Variants in ALDH16A1 observed in about 807,000 individuals in gnomAD.
The protein encoded by ALDH16A1 is aldehyde dehydrogenase 16 family member A1.
ALDH16A1 carries 88 observed loss-of-function variants against 96.1 expected under a neutral mutation model. The ratio of observed to expected loss-of-function variants is 0.92; its 90% confidence interval spans 0.77 to 1.09. ALDH16A1 has a LOEUF of 1.09. ALDH16A1 is among the 50% of genes least tolerant of loss of function. ALDH16A1 has a pLI of 0.00. For synonymous variants in ALDH16A1, 522 were observed against 496.4 expected (o/e 1.05, Z -0.69); for missense variants, 1,250 against 1,112.6 (o/e 1.12, Z -1.76).
chr19:49,466,108 G>C lies in ALDH16A1; in HGVS notation c.1763G>C (p.Arg588Pro). Residue 588 changes from arginine (R) to proline (P), a missense_variant, in exon 14 of 17, where the codon CGG (arginine) becomes CCG (proline). Physicochemically the swap from Arg to Pro is moderately radical, Grantham distance 103. Coordinates refer to ENST00000293350, the MANE Select transcript of ALDH16A1 (RefSeq NM_153329.4). ...TGGGCGGGCCAGTCCCCAGGAGCCC[G>C]GGCAGCCCTGCTGTGGGCCCTGGCG... ...PGWAGQSPGARAALLWALAAA... is the reference protein window; with the variant it reads ...PGWAGQSPGAPAALLWALAAA... The C allele has an allele frequency of 1.9e-6, 3 of 1,548,644 alleles. No individual in the cohort carries two copies. The highest frequency in any genetic ancestry group is 2.6e-6 in the Non-Finnish European group (3 of 1,150,258).
chr19:49,464,343 C>T lies in ALDH16A1; in HGVS notation c.1332-74C>T, dbSNP rs1041815131. On this transcript the variant is annotated intron_variant, in intron 10 of 16. Transcript: ENST00000293350. ...TCCCTTCTCCCTGGGTCGCTCCCCG[C>T]GCCTTTAACTCACCCCTCTCCCGGC... is the stretch of plus-strand genomic sequence containing the variant. 54 of 1,569,552 alleles carry T rather than the reference C, an allele frequency of 3.4e-5. No individual in the cohort carries two copies. In the East Asian group the frequency reaches 4.9e-4, roughly 14 times the overall value.
chr19:49,464,154 C>T lies in ALDH16A1; in HGVS notation c.1222C>T (p.Pro408Ser), dbSNP rs201033569. The change falls in exon 10 of 17, where the codon CCC becomes TCC. Residue 408 changes from proline (P) to serine (S), a missense_variant. By Grantham distance (74) the Pro-to-Ser change is moderately conservative. Coordinates refer to ENST00000293350, the MANE Select transcript of ALDH16A1 (RefSeq NM_153329.4). ...EVPWPVVVAS[P>S]FRTAKEALLV... ...GCCGTGGCCTGTGGTCGTGGCCTCC[C>T]CCTTCCGCACAGCCAAGGAGGCACT... 10 of 1,608,874 alleles carry T rather than the reference C, an allele frequency of 6.2e-6. No individual in the cohort carries two copies. Among genetic ancestry groups the T allele is most frequent in the East Asian group, 2.2e-5 (1 of 44,836 alleles).
chr19:49,458,438 C>G, intron 1 of ALDH16A1, 48 bp from the exon 2 acceptor site: 2 of 1,474,708 alleles, frequency 1.4e-6, no homozygotes, highest in Non-Finnish European at 1.9e-6. Context: ...GGTTGAACTG[C>G]CCCAGCTCCT....
rs559860262 is a variant in ALDH16A1 at position 49,465,793 on chromosome 19, C to T, written c.1624C>T (p.Arg542Ter). The T allele has an allele frequency of 3.5e-5, 56 of 1,614,118 alleles. No homozygotes were observed. The highest frequency in any genetic ancestry group is 4.4e-5 in the South Asian group (4 of 91,086). Residue 542 changes from arginine to a stop codon, truncating the protein, a stop_gained, in exon 13 of 17, where the codon CGA becomes TGA. Transcript: ENST00000293350. LOFTEE classifies it high-confidence loss of function. ...VGGRFQAPGA[R>*]SSRPIRDSSG... ...GGGCCGTTTCCAGGCTCCTGGGGCC[C>T]GAAGCTCCAGGCCCATCCGGGATTC...
chr19:49,470,199 G>A (rs768610749), intron 16 of ALDH16A1, 107 bp from the exon 17 acceptor site: 1 of 1,370,568 alleles, frequency 7.3e-7, no homozygotes, highest in Non-Finnish European at 1.0e-6. Flanking sequence ...TGCAGAGCCT[G>A]GGTCCAGCCT....
Position 49,462,953 on chromosome 19 carries a change from T to C in ALDH16A1, c.1098+198T>C, listed in dbSNP as rs28667916. On this transcript the variant is annotated intron_variant, in intron 8 of 16. Transcript: ENST00000293350. ...GTCTGAGGGAGGAGGTGCTGGGGCC[T>C]GGATTCCTGGGTCTGAGGGAGGAGG... is the stretch of plus-strand genomic sequence containing the variant. Among the ~76,000 whole-genome samples the C allele has an allele frequency of 1.2e-3, 83 of 71,244 alleles. 4 individuals carry two copies. Among genetic ancestry groups the C allele is most frequent in the African/African-American group, 5.3e-3 (69 of 13,070 alleles). 46.7% of individuals were successfully genotyped at this position (71,244 alleles called of 152,430 possible).
intron 7 of ALDH16A1, 29 bp downstream of exon 7, chr19:49,462,065 T>TA (rs1204517068): frequency 6.6e-7 from 1 of 1,519,168 alleles, no homozygotes; most frequent in East Asian, 2.5e-5. Flanking sequence ...CGTCTCCTCA[T>TA]ACCCTGGAGG....
At chr19:49,461,857 T>G (rs2079151044) in intron 6 of ALDH16A1, 27 bp from the exon 7 acceptor site, 2 of 1,596,006 alleles carry the variant, frequency 1.3e-6, no homozygotes, top group Non-Finnish European at 1.7e-6. Flanking sequence ...AGGCTCCTCC[T>G]GCGGCTGAAC....
At position 49,461,971 on chromosome 19, in the gene ALDH16A1, G is replaced by A. The variant is rs1022683288; in HGVS notation, c.847G>A (p.Asp283Asn). 6 of 1,555,724 alleles carry A rather than the reference G, an allele frequency of 3.9e-6. 1 individual carries two copies. The Admixed American group carries it at 9.6e-5, about 25-fold the overall frequency. The change falls in exon 7 of 17, where the codon GAC becomes AAC. Residue 283 changes from aspartate to asparagine, a missense_variant. By Grantham distance (23) the Asp-to-Asn change is conservative. Transcript: ENST00000293350. ...GACGGAGTCGCTGCTGCTGCTGACG[G>A]ACACGGCGGACGTAGACTCGGCCGT... is the stretch of plus-strand genomic sequence containing the variant. ...LGTESLLLLTDTADVDSAVEG... is the reference protein window; with the variant it reads ...LGTESLLLLTNTADVDSAVEG...
rs2079081066 is a variant in ALDH16A1 at position 49,453,245 on chromosome 19, G to A, written c.-87G>A. Reference sequence around the variant, plus strand: ...CCATTAGCCCCGCCCCTTTGGGCTGGAACCGGAGGTGTCGCTCTTCGGACC... The same window carrying A: ...CCATTAGCCCCGCCCCTTTGGGCTGAAACCGGAGGTGTCGCTCTTCGGACC... On this transcript the variant is annotated 5_prime_UTR_variant, in exon 1 of 17. Coordinates refer to ENST00000293350, the MANE Select transcript of ALDH16A1 (RefSeq NM_153329.4). 2 of 1,262,138 alleles carry A rather than the reference G, an allele frequency of 1.6e-6. No homozygotes were observed. The highest frequency in any genetic ancestry group is 2.3e-5 in the Admixed American group (1 of 42,984). The allele number at this position is 1,262,138 out of a possible 1,614,324, so 78.2% of individuals were successfully genotyped here.
chr19:49,453,281 C>T lies in ALDH16A1; in HGVS notation c.-51C>T, dbSNP rs2122352635. On this transcript the variant is annotated 5_prime_UTR_variant, in exon 1 of 17. Coordinates refer to ENST00000293350, the MANE Select transcript of ALDH16A1 (RefSeq NM_153329.4). ...GTCGCTCTTCGGACCTCAAGGTTCCCCTTAACACAGAGCGCCCCGCAGTCT... is the reference window on the plus strand; with the variant it reads ...GTCGCTCTTCGGACCTCAAGGTTCCTCTTAACACAGAGCGCCCCGCAGTCT... 1 of 1,499,502 alleles carries T rather than the reference C, an allele frequency of 6.7e-7. No individual in the cohort carries two copies. The highest frequency in any genetic ancestry group is 1.7e-4 in the Middle Eastern group (1 of 5,832). 92.9% of individuals were successfully genotyped at this position (1,499,502 alleles called of 1,614,324 possible). A position where few individuals can be genotyped will look rare whatever the true frequency, so the allele number is the denominator to read the frequency against.
At position 49,470,546 on chromosome 19, in the gene ALDH16A1, C is replaced by A; in HGVS notation, c.*79C>A. ...CCCCACAGACACCTGGGACTTTCCCCTTCTGGTTCCTGTGTCTCCCAATAA... is the reference window on the plus strand; with the variant it reads ...CCCCACAGACACCTGGGACTTTCCCATTCTGGTTCCTGTGTCTCCCAATAA... On this transcript the variant is annotated 3_prime_UTR_variant, in exon 17 of 17. Transcript: ENST00000293350. 7.2e-7 allele frequency: 1 copy of A among 1,398,216 alleles called. No individual in the cohort carries two copies. Among genetic ancestry groups the A allele is most frequent in the South Asian group, 1.6e-5 (1 of 64,422 alleles). 86.6% of individuals were successfully genotyped at this position (1,398,216 alleles called of 1,614,324 possible).
intron 16 of ALDH16A1, 63 bp from the exon 17 acceptor site, chr19:49,470,243 A>G (rs764791361): frequency 1.9e-6 from 3 of 1,586,194 alleles, no homozygotes; most frequent in Non-Finnish European, 2.6e-6. Flanking sequence ...TTCATCGCGG[A>G]GGAAGCAGGT....
In ALDH16A1 at chr19:49,463,893, T is replaced by C. The variant is rs766890235; in HGVS notation, c.1138T>C (p.Tyr380His). 1 of 1,613,484 alleles carries C rather than the reference T, an allele frequency of 6.2e-7. No individual in the cohort carries two copies. Among genetic ancestry groups the C allele is most frequent in the Non-Finnish European group, 8.5e-7 (1 of 1,179,616 alleles). The part of the protein sequence containing the change: ...AGDVPSERPF[Y>H]PPTLVSNLPP... ...TGATGTGCCTTCGGAACGCCCATTC[T>C]ATCCCCCAACCTTGGTCTCCAACCT... The change falls in exon 9 of 17, where the codon TAT becomes CAT. Residue 380 changes from tyrosine to histidine, a missense_variant. Coordinates refer to ENST00000293350, the MANE Select transcript of ALDH16A1 (RefSeq NM_153329.4).
In ALDH16A1 at chr19:49,464,137, C is replaced by A; in HGVS notation, c.1205C>A (p.Pro402His). Residue 402 changes from proline (P) to histidine (H), a missense_variant, in exon 10 of 17, where the codon CCT becomes CAT. Physicochemically the swap from Pro to His is moderately conservative, Grantham distance 77. Coordinates refer to ENST00000293350, the MANE Select transcript of ALDH16A1 (RefSeq NM_153329.4). ...GGTCACCCCTTGCAGGTGCCGTGGCCTGTGGTCGTGGCCTCCCCCTTCCGC... is the reference window on the plus strand; with the variant it reads ...GGTCACCCCTTGCAGGTGCCGTGGCATGTGGTCGTGGCCTCCCCCTTCCGC... ...SPCAQVEVPW[P>H]VVVASPFRTA... The A allele has an allele frequency of 6.2e-7, 1 of 1,608,290 alleles. No individual in the cohort carries two copies. The highest frequency in any genetic ancestry group is 1.1e-5 in the South Asian group (1 of 90,982).
chr19:49,462,094 A>AGTCTTC (rs2079154868), intron 7 of ALDH16A1, 58 bp downstream of exon 7: 4 of 1,472,234 alleles, frequency 2.7e-6, no homozygotes, highest in Non-Finnish European at 1.8e-6. Flanking sequence ...GTCTGTCTCC[A>AGTCTTC]GTCTTCGGGG....
chr19:49,469,821 T>A (rs1376562339), intron 16 of ALDH16A1: 1 of 153,150 alleles, frequency 6.5e-6, no homozygotes, highest in African/African-American at 2.4e-5. Flanking sequence ...CCTCGCGTGA[T>A]CTGCCTGCCT....
Position 49,470,553 on chromosome 19 carries a change from T to C in ALDH16A1, c.*86T>C. 1 of 1,385,212 alleles carries C rather than the reference T, an allele frequency of 7.2e-7. No homozygotes were observed. The highest frequency in any genetic ancestry group is 1.6e-5 in the South Asian group (1 of 63,828). The allele number at this position is 1,385,212 out of a possible 1,614,324, so 85.8% of individuals were successfully genotyped here. A position where few individuals can be genotyped will look rare whatever the true frequency, so the allele number is the denominator to read the frequency against. On this transcript the variant is annotated 3_prime_UTR_variant, in exon 17 of 17. Coordinates refer to ENST00000293350, the MANE Select transcript of ALDH16A1 (RefSeq NM_153329.4). ...GACACCTGGGACTTTCCCCTTCTGG[T>C]TCCTGTGTCTCCCAATAAACTCTCT...
rs2079160685 is a variant in ALDH16A1, at chr19:49,462,673, C to T, written c.1016C>T (p.Ala339Val). ...RLRSGRGLDG[A>V]VDMGARGAAA... ...CGGAGTGGCCGAGGGCTGGATGGGG[C>T]CGTGGACATGGGGGCCCGGGGGGCT... is the stretch of plus-strand genomic sequence containing the variant. The change falls in exon 8 of 17, where the codon GCC (alanine) becomes GTC (valine). Residue 339 changes from alanine to valine, a missense_variant. Ala to Val is a moderately conservative substitution (Grantham distance 64). Coordinates refer to ENST00000293350, the MANE Select transcript of ALDH16A1 (RefSeq NM_153329.4). The T allele has an allele frequency of 3.7e-6, 6 of 1,610,318 alleles. No homozygotes were observed. Among genetic ancestry groups the T allele is most frequent in the Non-Finnish European group, 5.1e-6 (6 of 1,179,272 alleles).
Sources: gnomAD v4.1 joint callset for allele counts (sites outside exome capture counted in the v4.1 genomes callset) on GRCh38, gnomAD v4.1.1 for gene constraint, MANE v1.5 for transcripts, NCBI Gene and HGNC (gene_info 2026-07-23, HGNC 2026-07-21) for gene names.